STRA6: variants seen among roughly 807,000 people sequenced by gnomAD.
The protein encoded by STRA6 is receptor for retinol uptake STRA6.
Under a neutral mutation model 83.6 loss-of-function variants are expected in STRA6, and 48 were observed. That is an observed-to-expected ratio of 0.57 (90% CI 0.46 to 0.73). STRA6 has a LOEUF of 0.73. Among genes scored for constraint, STRA6 ranks in the 30% least tolerant of loss-of-function variants. The probability of loss-of-function intolerance (pLI) is 0.00; values close to 1 mark genes in which losing one functional copy is unlikely to be tolerated. For missense variants in STRA6, 760 were observed against 838.8 expected, an observed-to-expected ratio of 0.91 and a Z score of 1.16; for synonymous variants, 353 against 362.3, an observed-to-expected ratio of 0.97 and a Z score of 0.29.
In STRA6 at chr15:74,180,880, A is replaced by G. The variant is rs890040654; in HGVS notation, c.1742T>C (p.Met581Thr). 1.2e-6 allele frequency: 2 copies of G among 1,613,970 alleles called. No individual in the cohort carries two copies. The highest frequency in any genetic ancestry group is 1.3e-5 in the African/African-American group (1 of 74,900). ...KIEVSQSHPA[M>T]TAFCSLLLQA... ...CAGGAGCAGGGAGCAGAAGGCTGTC[A>G]TGGCTGGATGCGACTGGCTGACTTC... is the stretch of plus-strand genomic sequence containing the variant. Residue 581 changes from methionine (M) to threonine (T), a missense_variant, in exon 18 of 19, where the codon ATG (methionine) becomes ACG (threonine). Coordinates refer to ENST00000395105, the MANE Select transcript of STRA6 (RefSeq NM_022369.4).
At position 74,192,339 on chromosome 15, in the gene STRA6, A is replaced by G. The variant is rs114698567; in HGVS notation, c.721-848T>C. 4.0e-3 allele frequency among the ~76,000 whole-genome samples: 611 copies of G among 152,264 alleles called. 2 individuals carry two copies. The highest frequency in any genetic ancestry group is 0.014 in the African/African-American group (586 of 41,552). On this transcript the variant is annotated intron_variant, in intron 8 of 18. Transcript: ENST00000395105. ...GAGCCAGCTGTAAACAGGAGGGGACACAGGCTTCCTCGAGGGGTGTTGGCC... is the reference window on the plus strand; with the variant it reads ...GAGCCAGCTGTAAACAGGAGGGGACGCAGGCTTCCTCGAGGGGTGTTGGCC...
chr15:74,197,071 G>A (rs141348562), intron 4 of STRA6, among the ~76,000 whole-genome samples: 2 of 152,300 alleles, frequency 1.3e-5, no homozygotes, highest in Non-Finnish European at 2.9e-5. Flanking sequence ...ACACTCTGAC[G>A]CTGGGTCCTG....
chr15:74,190,861 C>T lies in STRA6; in HGVS notation c.906G>A (p.Leu302=). Residue 302 remains leucine, a synonymous_variant, in exon 11 of 19, where the codon CTG becomes CTA. Transcript: ENST00000395105. ...ATACCTGGTAAATGGCCGTCCCTGT[C>T]AGTGTAGCTGAAAGCACCAGCTTCA... ...LPLKLVLSAT[L]TGTAIYQVAL... 2 of 1,614,100 alleles carry T rather than the reference C, an allele frequency of 1.2e-6. No homozygotes were observed. The highest frequency in any genetic ancestry group is 1.7e-6 in the Non-Finnish European group (2 of 1,180,030).
chr15:74,199,082 G>A (rs1321989380), intron 2 of STRA6, among the ~76,000 whole-genome samples: 1 of 152,236 alleles, frequency 6.6e-6, no homozygotes, highest in Non-Finnish European at 1.5e-5. Flanking sequence ...GGCCAGTGGG[G>A]TCTGGTGGGC....
intron 13 of STRA6, among the ~76,000 whole-genome samples, chr15:74,184,404 G>A (rs1235032022): frequency 2.0e-5 from 3 of 152,218 alleles, no homozygotes; most frequent in Non-Finnish European, 2.9e-5. Flanking sequence ...AAGTGCGCAG[G>A]AGACATGGGC....
intron 4 of STRA6, 114 bp from the exon 5 acceptor site, chr15:74,196,261 G>A: frequency 7.0e-7 from 1 of 1,434,032 alleles, no homozygotes; most frequent in South Asian, 1.2e-5. Flanking sequence ...CTTTCTAGAT[G>A]GGGGAATAAG....
intron 17 of STRA6, 81 bp from the exon 18 acceptor site, chr15:74,181,018 AG>A: frequency 1.3e-6 from 2 of 1,574,050 alleles, no homozygotes; most frequent in African/African-American, 1.3e-5. Flanking sequence ...ACACACACAC[AG>A]GGAGTGCACG....
upstream of STRA6, among the ~76,000 whole-genome samples, chr15:74,205,725 G>A (rs2074245165): frequency 6.6e-6 from 1 of 152,242 alleles, no homozygotes; most frequent in South Asian, 2.1e-4. Context: ...GACCCCAGCT[G>A]AGCCCAGGCA....
intron 2 of STRA6, among the ~76,000 whole-genome samples, chr15:74,201,534 C>T (rs540346787): frequency 1.3e-5 from 2 of 152,268 alleles, no homozygotes; most frequent in African/African-American, 4.8e-5. Context: ...GGTTCTCAGG[C>T]CACCCTGGGG....
chr15:74,196,217 T>C, intron 4 of STRA6, 70 bp from the exon 5 acceptor site: 1 of 1,593,716 alleles, frequency 6.3e-7, no homozygotes, highest in South Asian at 1.1e-5. Context: ...CTCCCAGCTG[T>C]ATTCCATAAA....
At chr15:74,189,931 G>A (rs1232678887) in intron 11 of STRA6, among the ~76,000 whole-genome samples, 2 of 152,008 alleles carry the variant, frequency 1.3e-5, no homozygotes, top group African/African-American at 4.8e-5. Flanking sequence ...CAAAGTGCTG[G>A]GATTACAGGT....
intron 14 of STRA6, chr15:74,182,690 G>C: frequency 1.8e-6 from 1 of 550,994 alleles, no homozygotes; most frequent in Non-Finnish European, 3.3e-6. Context: ...CTGTTGTAAG[G>C]ATCCAATGAG....
At chr15:74,196,972 G>A (rs2073848843) in intron 4 of STRA6, among the ~76,000 whole-genome samples, 1 of 152,176 alleles carries the variant, frequency 6.6e-6, no homozygotes, top group Non-Finnish European at 1.5e-5. Flanking sequence ...AAGCATTAGG[G>A]TCCAGGTGAT....
chr15:74,206,465 GAGA>G (rs2074264664), upstream of STRA6, among the ~76,000 whole-genome samples: 1 of 152,244 alleles, frequency 6.6e-6, no homozygotes, highest in Admixed American at 6.5e-5. Context: ...GTGTTAGGAA[GAGA>G]AGGATGGTAA....
intron 3 of STRA6, 91 bp downstream of exon 3, chr15:74,197,660 GC>G (rs1407195543): frequency 1.2e-5 from 18 of 1,512,342 alleles, no homozygotes; most frequent in Non-Finnish European, 1.6e-5. Context: ...ATCTTCCAGG[GC>G]CCCCCTTCAC....
At chr15:74,194,659 T>G (rs992897171) in intron 7 of STRA6, 12 of 836,680 alleles carry the variant, frequency 1.4e-5, no homozygotes, top group Non-Finnish European at 1.9e-5. Flanking sequence ...TAGGGACTGT[T>G]TGTCTTGTTC....
rs1261436076 is a variant in STRA6 at position 74,188,153 on chromosome 15, T to C, written c.1090+962A>G. Among the ~76,000 whole-genome samples the C allele has an allele frequency of 3.3e-5, 5 of 152,142 alleles. No individual in the cohort carries two copies. The highest frequency in any genetic ancestry group is 1.2e-4 in the African/African-American group (5 of 41,424). On this transcript the variant is annotated intron_variant, in intron 12 of 18. Coordinates refer to ENST00000395105, the MANE Select transcript of STRA6 (RefSeq NM_022369.4). The surrounding 1 kb of genome is among the most constrained non-coding windows in gnomAD (Gnocchi z 4.5). Reference sequence around the variant, plus strand: ...TGGTGGAGGTGGTCAGGGAAGGAAGTGGTCACTCCGTGCACCTCTGCCCAC... The same window carrying C: ...TGGTGGAGGTGGTCAGGGAAGGAAGCGGTCACTCCGTGCACCTCTGCCCAC...
At chr15:74,193,484 G>C (rs1486408539) in intron 8 of STRA6, among the ~76,000 whole-genome samples, 7 of 152,130 alleles carry the variant, frequency 4.6e-5, no homozygotes, top group African/African-American at 1.2e-4. Context: ...AAGGCTCCAG[G>C]CTGTCTCTCC....
At chr15:74,196,561 C>T (rs1011717151) in intron 4 of STRA6, among the ~76,000 whole-genome samples, 11 of 152,216 alleles carry the variant, frequency 7.2e-5, no homozygotes, top group Admixed American at 2.0e-4. Flanking sequence ...CATAGCTGTC[C>T]CAGGCATCAC....
Sources: allele counts gnomAD v4.1 joint callset (sites outside exome capture counted in the v4.1 genomes callset), GRCh38; gene constraint gnomAD v4.1.1; non-coding constraint Gnocchi (gnomAD v3.1); transcripts MANE v1.5; gene names NCBI Gene and HGNC (gene_info 2026-07-23, HGNC 2026-07-21).